HCFC2: variants seen among roughly 807,000 people sequenced by gnomAD.
HCFC2 encodes host cell factor C2, also known as host cell factor 2.
HCFC2 carries 18 observed loss-of-function variants against 89.2 expected under a neutral mutation model. The ratio of observed to expected loss-of-function variants is 0.20; its 90% CI spans 0.14 to 0.30. HCFC2 has a LOEUF of 0.30. HCFC2 is among the 10% of genes least tolerant of loss of function. The pLI, the probability that HCFC2 is intolerant of heterozygous loss-of-function variation, is 1.00. For synonymous variants in HCFC2, 308 were observed against 335.7 expected, an observed-to-expected ratio of 0.92 and a Z score of 0.90; for missense variants, 578 against 956.1, an observed-to-expected ratio of 0.60 and a Z score of 5.21.
intron 3 of HCFC2, among the ~76,000 whole-genome samples, chr12:104,072,727 C>A (rs965916766): frequency 6.6e-6 from 1 of 151,946 alleles, no homozygotes; most frequent in Non-Finnish European, 1.5e-5. Flanking sequence ...ACTGCAAGCT[C>A]CGCCTCCTGG....
chr12:104,067,643 T>A (rs1883189083), intron 2 of HCFC2, among the ~76,000 whole-genome samples: 1 of 152,274 alleles, frequency 6.6e-6, no homozygotes, highest in Non-Finnish European at 1.5e-5. Context: ...CATTTAATCT[T>A]GAAGCTATGT....
chr12:104,098,775 C>A (rs1282072777), intron 13 of HCFC2, among the ~76,000 whole-genome samples: 6 of 152,152 alleles, frequency 3.9e-5, no homozygotes. Context: ...CCAAGGCAGG[C>A]AGATCACGAG....
rs1883201933 is a variant in HCFC2, at chr12:104,067,953, C to T, written c.319C>T (p.Arg107Cys). The T allele has an allele frequency of 4.5e-6, 7 of 1,566,960 alleles. No homozygotes were observed. Among genetic ancestry groups the T allele is most frequent in the African/African-American group, 1.4e-5 (1 of 71,080 alleles). The change falls in exon 3 of 15, where the codon CGT becomes TGT. Residue 107 changes from arginine (R) to cysteine (C), a missense_variant. Arg to Cys is a radical substitution (Grantham distance 180). Around this residue, in one of 4 missense-constraint regions of HCFC2, gnomAD observed 206 missense variants for 419.2 expected, o/e 0.49. Coordinates refer to ENST00000229330, the MANE Select transcript of HCFC2 (RefSeq NM_013320.3). Reference protein sequence around the residue: ...SNELYELQASRWLWKKVKPHP... With the variant: ...SNELYELQASCWLWKKVKPHP... Reference sequence around the variant, plus strand: ...GTGCCCTTTTTTTTTTTAGGCAAGTCGTTGGTTATGGAAAAAAGTGAAACC... The same window carrying T: ...GTGCCCTTTTTTTTTTTAGGCAAGTTGTTGGTTATGGAAAAAAGTGAAACC...
At position 104,104,090 on chromosome 12, in the gene HCFC2, C is replaced by T. The variant is rs536320027; in HGVS notation, c.*817C>T. The T allele has an allele frequency of 6.6e-6, 1 of 152,050 alleles. No homozygotes were observed. 9.4% of individuals were successfully genotyped at this position (152,050 alleles called of 1,614,324 possible). A position where few individuals can be genotyped will look rare whatever the true frequency, so the allele number is the denominator to read the frequency against. On this transcript the variant is annotated 3_prime_UTR_variant, in exon 15 of 15. Coordinates refer to ENST00000229330, the MANE Select transcript of HCFC2 (RefSeq NM_013320.3). Reference sequence around the variant, plus strand: ...AGTGAAGTATGTCCCTGAACATTTTCATCTGTCTTAATGGCTCTAATTTTG... The same window carrying T: ...AGTGAAGTATGTCCCTGAACATTTTTATCTGTCTTAATGGCTCTAATTTTG...
intron 8 of HCFC2, among the ~76,000 whole-genome samples, chr12:104,087,467 ATAT>A (rs1883896395): frequency 1.4e-3 from 1 of 696 alleles, no homozygotes; most frequent in African/African-American, 1.7e-3. Flanking sequence ...ATATATATAC[ATAT>A]ATATATATAT....
chr12:104,073,517 AT>A (rs1883403717), intron 3 of HCFC2, among the ~76,000 whole-genome samples: 1 of 151,938 alleles, frequency 6.6e-6, no homozygotes, highest in African/African-American at 2.4e-5. Context: ...GTTTGACAAT[AT>A]TTTCTTCTAT....
In HCFC2 at chr12:104,087,028, CA is replaced by C. The variant is rs1351735799; in HGVS notation, c.1231+15del. 1.2e-6 allele frequency: 2 copies of C among 1,612,340 alleles called. No homozygotes were observed. Among genetic ancestry groups the C allele is most frequent in the Non-Finnish European group, 1.7e-6 (2 of 1,178,862 alleles). On this transcript the variant is annotated intron_variant, in intron 8 of 14. Coordinates refer to ENST00000229330, the MANE Select transcript of HCFC2 (RefSeq NM_013320.3). ...CAAATATGCAAGGTAACATAATTTTCATGCTTAAAGTATGTGTGCTCACATG... is the reference window on the plus strand; with the variant it reads ...CAAATATGCAAGGTAACATAATTTTCTGCTTAAAGTATGTGTGCTCACATG...
rs1036791973 is a variant in HCFC2, at chr12:104,087,075, C to G, written c.1231+61C>G. 70 of 1,541,394 alleles carry G rather than the reference C, an allele frequency of 4.5e-5. No individual in the cohort carries two copies. The Admixed American group carries it at 1.2e-3, about 27-fold the overall frequency. The stretch of plus-strand genomic sequence containing the variant: ...ACATGCTTTTAAAAATATATACTGG[C>G]CGGGCGCGGTGGCTCACGCCTGTAA... On this transcript the variant is annotated intron_variant, in intron 8 of 14. Coordinates refer to ENST00000229330, the MANE Select transcript of HCFC2 (RefSeq NM_013320.3).
chr12:104,092,993 C>T (rs368494895), intron 9 of HCFC2, among the ~76,000 whole-genome samples: 5 of 151,930 alleles, frequency 3.3e-5, no homozygotes, highest in African/African-American at 1.2e-4. Flanking sequence ...TGAGATTTTA[C>T]TTTTGTAGTT....
intron 8 of HCFC2, 50 bp from the exon 9 acceptor site, chr12:104,087,936 A>G (rs776239739): frequency 3.0e-6 from 3 of 1,013,162 alleles, no homozygotes; most frequent in South Asian, 3.8e-5. Flanking sequence ...ATTATATTTT[A>G]TTGAAGCTAG....
chr12:104,102,837 C>T (rs969466710), intron 14 of HCFC2, 122 bp from the exon 15 acceptor site: 10 of 785,638 alleles, frequency 1.3e-5, no homozygotes, highest in African/African-American at 1.1e-4. Context: ...AAAGATGTAA[C>T]ATCTAATGCA....
At chr12:104,092,276 G>A (rs1593607955) in intron 9 of HCFC2, among the ~76,000 whole-genome samples, 1 of 152,070 alleles carries the variant, frequency 6.6e-6, no homozygotes, top group East Asian at 1.9e-4. Flanking sequence ...GACCAGCCTT[G>A]ACAACATGGC....
chr12:104,067,508 T>C (rs1883186225), intron 2 of HCFC2, among the ~76,000 whole-genome samples: 1 of 152,230 alleles, frequency 6.6e-6, no homozygotes, highest in Non-Finnish European at 1.5e-5. Context: ...AAAGAAAACA[T>C]CCATGGCCAG....
intron 12 of HCFC2, chr12:104,097,562 TA>T: frequency 9.4e-6 from 5 of 531,210 alleles, no homozygotes; most frequent in Non-Finnish European, 1.2e-5. Flanking sequence ...GCCTAAATAT[TA>T]AAAAAATGTG....
chr12:104,080,279 A>T (rs1416420958), intron 4 of HCFC2, among the ~76,000 whole-genome samples: 2 of 152,244 alleles, frequency 1.3e-5, no homozygotes, highest in African/African-American at 4.8e-5. Flanking sequence ...ACCTCCCCTA[A>T]TACCAAAATC....
chr12:104,066,438 TATTCA>T, intron 2 of HCFC2, 123 bp downstream of exon 2: 1 of 560,980 alleles, frequency 1.8e-6, no homozygotes, highest in Non-Finnish European at 2.8e-6. Context: ...AGTAATGTAT[TATTCA>T]AGTAAACTAT....
At chr12:104,069,527 A>G (rs1883254728) in intron 3 of HCFC2, among the ~76,000 whole-genome samples, 1 of 111,118 alleles carries the variant, frequency 9.0e-6, no homozygotes, top group Admixed American at 9.7e-5. Context: ...TTTTTTGTTA[A>G]AAAAAAAAAA....
Position 104,066,321 on chromosome 12 carries a change from T to G in HCFC2, c.312+6T>G. On this transcript the variant is annotated splice_donor_region_variant and intron_variant, in intron 2 of 14. Transcript: ENST00000229330. ...ATGAGTTATATGAGTTACAAGTAAG[T>G]GTATTTAATATTGTTTCATTCTGAG... 1 of 1,574,184 alleles carries G rather than the reference T, an allele frequency of 6.4e-7. No homozygotes were observed. Among genetic ancestry groups the G allele is most frequent in the Non-Finnish European group, 8.6e-7 (1 of 1,161,596 alleles).
rs1460383555 is a variant in HCFC2 at position 104,103,727 on chromosome 12, A to G, written c.*454A>G. The stretch of plus-strand genomic sequence containing the variant: ...TATTCTATATGAGCAGTGTTCCTCT[A>G]ACAACTGTCTTCTATTGGATAATAT... On this transcript the variant is annotated 3_prime_UTR_variant, in exon 15 of 15. Transcript: ENST00000229330. 1.3e-5 allele frequency: 2 copies of G among 154,056 alleles called. No individual in the cohort carries two copies. Among genetic ancestry groups the G allele is most frequent in the Non-Finnish European group, 2.9e-5 (2 of 69,310 alleles). 9.5% of individuals were successfully genotyped at this position (154,056 alleles called of 1,614,324 possible). A position where few individuals can be genotyped will look rare whatever the true frequency, so the allele number is the denominator to read the frequency against.
Sources: gnomAD v4.1 joint callset for allele counts (sites outside exome capture counted in the v4.1 genomes callset) on GRCh38, gnomAD v4.1.1 for gene constraint, gnomAD v4.1.1 regional missense constraint, MANE v1.5 for transcripts, NCBI Gene and HGNC (gene_info 2026-07-23, HGNC 2026-07-21) for gene names.